SEMA3C: variants seen among roughly 807,000 people sequenced by gnomAD.
SEMA3C encodes the protein semaphorin-3C.
Under a neutral mutation model 89.4 loss-of-function variants are expected in SEMA3C, and 47 were observed. The ratio of observed to expected loss-of-function variants is 0.53; its 90% CI spans 0.42 to 0.67. The LOEUF (loss-of-function observed/expected upper bound fraction) is 0.67, where lower values mean the gene tolerates loss of function less well. Among genes scored for constraint, SEMA3C ranks in the 30% least tolerant of loss-of-function variants. The probability of loss-of-function intolerance (pLI) is 0.00; values close to 1 mark genes in which losing one functional copy is unlikely to be tolerated. For synonymous variants in SEMA3C, 310 were observed against 320.2 expected (o/e 0.97, Z 0.34); for missense variants, 839 against 929.1 (o/e 0.90, Z 1.26).
intron 9 of SEMA3C, among the ~76,000 whole-genome samples, chr7:80,802,343 A>C (rs371223167): frequency 3.3e-5 from 5 of 152,154 alleles, no homozygotes; most frequent in African/African-American, 1.2e-4. Flanking sequence ...TCTAATATAC[A>C]TGAAATAAAT....
At chr7:80,857,769 T>C (rs1453811589) in intron 2 of SEMA3C, among the ~76,000 whole-genome samples, 1 of 152,162 alleles carries the variant, frequency 6.6e-6, no homozygotes, top group Non-Finnish European at 1.5e-5. Context: ...AGAATTGGTA[T>C]GAAGAATTTG....
intron 2 of SEMA3C, among the ~76,000 whole-genome samples, chr7:80,876,261 T>C (rs1791201098): frequency 6.6e-6 from 1 of 152,198 alleles, no homozygotes; most frequent in African/African-American, 2.4e-5. Flanking sequence ...ATAATAAGTG[T>C]ATTTAAGTAT....
At chr7:80,885,765 A>G (rs962716492) in intron 2 of SEMA3C, among the ~76,000 whole-genome samples, 1 of 152,246 alleles carries the variant, frequency 6.6e-6, no homozygotes, top group Non-Finnish European at 1.5e-5. Context: ...ATTTAAAATC[A>G]GTTTTCAAAA....
At chr7:80,864,621 T>C (rs1305784216) in intron 2 of SEMA3C, among the ~76,000 whole-genome samples, 1 of 152,088 alleles carries the variant, frequency 6.6e-6, no homozygotes, top group Non-Finnish European at 1.5e-5. Flanking sequence ...AGAAAGGTGT[T>C]GTAAGGAGGC....
At chr7:80,872,797 CAAA>C (rs1218885274) in intron 2 of SEMA3C, among the ~76,000 whole-genome samples, 734 of 40,070 alleles carry the variant, frequency 0.018, 8 homozygotes, top group African/African-American at 0.057. Flanking sequence ...GAGACTCTGT[CAAA>C]AAAAAAAAAA....
chr7:80,879,465 T>C (rs1791283153), intron 2 of SEMA3C, among the ~76,000 whole-genome samples: 1 of 152,278 alleles, frequency 6.6e-6, no homozygotes, highest in East Asian at 1.9e-4. Flanking sequence ...TGTAGGCACC[T>C]GATTGTCCTC....
At chr7:80,766,157 A>G (rs1788297736) in intron 12 of SEMA3C, among the ~76,000 whole-genome samples, 1 of 152,202 alleles carries the variant, frequency 6.6e-6, no homozygotes, top group Non-Finnish European at 1.5e-5. Flanking sequence ...TCAGGTGTGG[A>G]CACCTATTCA....
chr7:80,782,947 ATATT>A (rs752038448), intron 12 of SEMA3C, among the ~76,000 whole-genome samples: 33 of 152,170 alleles, frequency 2.2e-4, no homozygotes, highest in Non-Finnish European at 4.0e-4. Context: ...CTGTAAATAT[ATATT>A]TATTTGCCTA....
intron 12 of SEMA3C, among the ~76,000 whole-genome samples, chr7:80,770,931 G>A (rs966790231): frequency 6.6e-6 from 1 of 152,190 alleles, no homozygotes; most frequent in African/African-American, 2.4e-5. Flanking sequence ...GCAATGCAGA[G>A]GAAGTAAAAC....
At chr7:80,857,639 C>G (rs1224365646) in intron 2 of SEMA3C, among the ~76,000 whole-genome samples, 1 of 152,102 alleles carries the variant, frequency 6.6e-6, no homozygotes, top group African/African-American at 2.4e-5. Flanking sequence ...TCTTTATAAG[C>G]ATTTAAATCG....
At chr7:80,777,882 T>G (rs1470924019) in intron 12 of SEMA3C, among the ~76,000 whole-genome samples, 1 of 152,194 alleles carries the variant, frequency 6.6e-6, no homozygotes, top group East Asian at 1.9e-4. Flanking sequence ...TGTTTTGATT[T>G]AATTGAAGCA....
intron 10 of SEMA3C, 90 bp downstream of exon 10, chr7:80,800,667 A>G: frequency 1.2e-6 from 1 of 807,462 alleles, no homozygotes; most frequent in Non-Finnish European, 2.0e-6. Context: ...GTAAAATTAA[A>G]AGTTGCAGAG....
chr7:80,873,822 T>A (rs1312279005), intron 2 of SEMA3C, among the ~76,000 whole-genome samples: 2 of 152,172 alleles, frequency 1.3e-5, no homozygotes, highest in Non-Finnish European at 2.9e-5. Flanking sequence ...AGTTGTTGCA[T>A]GGAAAACAGT....
chr7:80,861,711 G>A (rs1790776082), intron 2 of SEMA3C, among the ~76,000 whole-genome samples: 1 of 152,056 alleles, frequency 6.6e-6, no homozygotes, highest in Admixed American at 6.6e-5. Context: ...ACCAACCATT[G>A]TACTAGGCTC....
chr7:80,911,616 C>CT lies in SEMA3C; in HGVS notation c.103+5062dup, dbSNP rs774658177. ...TGTCTATTAATTCATAGAATAGGAC[C>CT]TTTTTTTTTTTTTTTGAAAGAGAGT... On this transcript the variant is annotated intron_variant, in intron 2 of 17. Coordinates refer to ENST00000265361, the MANE Select transcript of SEMA3C (RefSeq NM_006379.5). Among the ~76,000 whole-genome samples, 496 of 140,882 alleles carry CT rather than the reference C, an allele frequency of 3.5e-3. 1 individual carries two copies. The highest frequency in any genetic ancestry group is 7.3e-3 in the Admixed American group (102 of 13,976). 92.4% of individuals were successfully genotyped at this position (140,882 alleles called of 152,430 possible). A position where few individuals can be genotyped will look rare whatever the true frequency, so the allele number is the denominator to read the frequency against.
At chr7:80,869,829 C>T (rs977116570) in intron 2 of SEMA3C, among the ~76,000 whole-genome samples, 10 of 152,088 alleles carry the variant, frequency 6.6e-5, no homozygotes, top group African/African-American at 2.4e-4. Flanking sequence ...GGCTGGGTGT[C>T]TTATGGAAAT....
chr7:80,906,599 GTATATTT>G (rs1160767118), intron 2 of SEMA3C, among the ~76,000 whole-genome samples: 2 of 152,152 alleles, frequency 1.3e-5, no homozygotes, highest in Non-Finnish European at 2.9e-5. Flanking sequence ...TTGCTAGATA[GTATATTT>G]TATAAGTCTC....
intron 11 of SEMA3C, among the ~76,000 whole-genome samples, chr7:80,790,161 G>A (rs866852484): frequency 5.9e-5 from 9 of 152,174 alleles, no homozygotes; most frequent in Middle Eastern, 3.4e-3. Flanking sequence ...GTGCATGCCT[G>A]CGATCCCAAC....
intron 11 of SEMA3C, among the ~76,000 whole-genome samples, chr7:80,790,055 T>C (rs1315377562): frequency 6.6e-6 from 1 of 152,036 alleles, no homozygotes; most frequent in Non-Finnish European, 1.5e-5. Context: ...GAGGCTGAGA[T>C]GAGAGGATGT....
Sources: gnomAD v4.1 joint callset for allele counts (sites outside exome capture counted in the v4.1 genomes callset) on GRCh38, gnomAD v4.1.1 for gene constraint, MANE v1.5 for transcripts, NCBI Gene and HGNC (gene_info 2026-07-23, HGNC 2026-07-21) for gene names.